PER2: variants seen among roughly 807,000 people sequenced by gnomAD.
PER2 encodes the protein period circadian regulator 2.
PER2 carries 66 observed loss-of-function variants against 121.0 expected under a neutral mutation model. That is an observed-to-expected ratio of 0.55 (90% CI 0.45 to 0.67). PER2 has a LOEUF of 0.67. Among genes scored for constraint, PER2 ranks in the 30% least tolerant of loss-of-function variants. The pLI is 0.00. For synonymous variants in PER2, 684 were observed against 659.9 expected, an observed-to-expected ratio of 1.04 and a Z score of -0.56; for missense variants, 1,521 against 1,635.0, an observed-to-expected ratio of 0.93 and a Z score of 1.20.
intron 10 of PER2, 55 bp from the exon 11 acceptor site, chr2:238,262,399 G>A (rs963205196): frequency 1.9e-6 from 3 of 1,569,912 alleles, no homozygotes; most frequent in Non-Finnish European, 2.6e-6. Context: ...AGGATTTATA[G>A]TAGAGAGAGA....
At chr2:238,281,491 TTTTC>T (rs1696628544) in intron 1 of PER2, among the ~76,000 whole-genome samples, 1 of 152,202 alleles carries the variant, frequency 6.6e-6, no homozygotes, top group South Asian at 2.1e-4. Flanking sequence ...TTCTAGTCTT[TTTTC>T]TTTATTTTAC....
chr2:238,259,942 G>C, intron 14 of PER2, 27 bp downstream of exon 14: 3 of 1,063,980 alleles, frequency 2.8e-6, no homozygotes, highest in Non-Finnish European at 4.3e-6. Context: ...GTTTCAGTAA[G>C]GAAATGTTGA....
the PER2 span, among the ~76,000 whole-genome samples, chr2:238,297,902 G>C: frequency 6.6e-6 from 1 of 152,200 alleles, no homozygotes; most frequent in Non-Finnish European, 1.5e-5. Context: ...GACATGCCGC[G>C]TGTCTGGCTT....
chr2:238,268,152 T>A lies in PER2; in HGVS notation c.871A>T (p.Met291Leu), dbSNP rs777751360. 1.9e-6 allele frequency: 3 copies of A among 1,614,008 alleles called. No individual in the cohort carries two copies. The highest frequency in any genetic ancestry group is 2.5e-6 in the Non-Finnish European group (3 of 1,180,018). The stretch of plus-strand genomic sequence containing the variant: ...CGCACCTTGACCAGGTAGGGCGTCA[T>A]GCGGAAGGGGTGGTAGCGGATTTCA... ...ENEIRYHPFR[M>L]TPYLVKVRDQ... The change falls in exon 8 of 23, where the codon ATG (methionine) becomes TTG (leucine). Residue 291 changes from methionine (M) to leucine (L), a missense_variant. Met to Leu is a conservative substitution (Grantham distance 15). Coordinates refer to ENST00000254657, the MANE Select transcript of PER2 (RefSeq NM_022817.3). The surrounding 1 kb of genome is among the most constrained non-coding windows in gnomAD (Gnocchi z 4.0).
intron 1 of PER2, among the ~76,000 whole-genome samples, chr2:238,281,763 T>C (rs1012046623): frequency 3.9e-5 from 6 of 152,212 alleles, no homozygotes; most frequent in Admixed American, 1.3e-4. Context: ...GTGGCTCTTG[T>C]GTGTGGTGGT....
intron 13 of PER2, 66 bp from the exon 14 acceptor site, chr2:238,260,119 G>A (rs1275892022): frequency 1.4e-6 from 1 of 730,476 alleles, no homozygotes; most frequent in East Asian, 2.7e-5. Context: ...GTCCGGCAAA[G>A]TGAGAACAGA....
At chr2:238,295,229 C>G in the PER2 span, among the ~76,000 whole-genome samples, 25 of 149,902 alleles carry the variant, frequency 1.7e-4, no homozygotes, top group South Asian at 1.0e-3. Context: ...TGTTGTTCTT[C>G]TTCTTCTTTC....
chr2:238,273,206 G>GT lies in PER2; in HGVS notation c.449-16dup. The GT allele has an allele frequency of 6.2e-7, 1 of 1,610,872 alleles. No homozygotes were observed. Among genetic ancestry groups the GT allele is most frequent in the African/African-American group, 1.3e-5 (1 of 74,468 alleles). ...CTCTTCATTGGCTGCAGGAGAGACA[G>GT]TGTTCACTCAGTGGGCAGAACCCAG... On this transcript the variant is annotated splice_polypyrimidine_tract_variant and intron_variant, in intron 4 of 22. Transcript: ENST00000254657.
At chr2:238,265,781 G>T (rs1425955926) in intron 8 of PER2, among the ~76,000 whole-genome samples, 191 bp from the exon 9 acceptor site, 1 of 152,170 alleles carries the variant, frequency 6.6e-6, no homozygotes, top group African/African-American at 2.4e-5. Flanking sequence ...TCGTTGGCCA[G>T]CCTTCTTAGC....
At chr2:238,286,656 CAG>C (rs1420420432) in intron 1 of PER2, among the ~76,000 whole-genome samples, 1 of 152,194 alleles carries the variant, frequency 6.6e-6, no homozygotes, top group Non-Finnish European at 1.5e-5. Context: ...CTCTGCCAAA[CAG>C]AGTAGTTTTC....
In PER2 at chr2:238,282,330, G is replaced by A. The variant is rs6759566; in HGVS notation, c.-19-4375C>T. 5.6e-3 allele frequency among the ~76,000 whole-genome samples: 857 copies of A among 152,272 alleles called. 11 individuals are homozygous for A. The highest frequency in any genetic ancestry group is 0.02 in the African/African-American group (828 of 41,554). On this transcript the variant is annotated intron_variant, in intron 1 of 22. Coordinates refer to ENST00000254657, the MANE Select transcript of PER2 (RefSeq NM_022817.3). Reference sequence around the variant, plus strand: ...CCAGCTCCTTCTCTGTGCCTCCACCGCCGCTCTGTGGGCTTTCCTCGCCAG... The same window carrying A: ...CCAGCTCCTTCTCTGTGCCTCCACCACCGCTCTGTGGGCTTTCCTCGCCAG...
intron 9 of PER2, among the ~76,000 whole-genome samples, chr2:238,263,983 GGGA>G (rs1696019150): frequency 6.6e-6 from 1 of 151,266 alleles, no homozygotes; most frequent in Admixed American, 6.6e-5. Context: ...GAAAAAGAGG[GGGA>G]GGAGGAAGAG....
upstream of PER2, chr2:238,289,357 G>T (rs1001550479): frequency 3.9e-5 from 6 of 152,208 alleles, no homozygotes; most frequent in African/African-American, 1.4e-4. Flanking sequence ...TGGCAGCACC[G>T]CCCTGCAGCA....
chr2:238,246,013 T>C lies in PER2; in HGVS notation c.*362A>G. ...AGCTCTGGAAGCCAGAGTCCCCAGC[T>C]GGTGCAGCAGACAGAGGTCTCGTCA... On this transcript the variant is annotated 3_prime_UTR_variant, in exon 23 of 23. Transcript: ENST00000254657. 1 of 225,392 alleles carries C rather than the reference T, an allele frequency of 4.4e-6. No homozygotes were observed. The highest frequency in any genetic ancestry group is 8.5e-6 in the Non-Finnish European group (1 of 117,180). 14.0% of individuals were successfully genotyped at this position (225,392 alleles called of 1,614,324 possible).
Position 238,245,058 on chromosome 2 carries a change from A to G in PER2, c.*1317T>C, listed in dbSNP as rs1184657549. On this transcript the variant is annotated 3_prime_UTR_variant, in exon 23 of 23. Coordinates refer to ENST00000254657, the MANE Select transcript of PER2 (RefSeq NM_022817.3). ...AACTCCATCTAAAAAAAAAAAAAAAAAAAAAAAAAAAAGAAAACCCTGGTC... is the reference window on the plus strand; with the variant it reads ...AACTCCATCTAAAAAAAAAAAAAAAGAAAAAAAAAAAAGAAAACCCTGGTC... The G allele has an allele frequency of 6.6e-6, 1 of 150,552 alleles. No homozygotes were observed. Among genetic ancestry groups the G allele is most frequent in the African/African-American group, 2.4e-5 (1 of 41,138 alleles). 9.3% of individuals were successfully genotyped at this position (150,552 alleles called of 1,614,324 possible).
Position 238,275,767 on chromosome 2 carries a change from G to A in PER2, c.424C>T (p.Leu142Phe). 1 of 1,614,216 alleles carries A rather than the reference G, an allele frequency of 6.2e-7. No individual in the cohort carries two copies. The highest frequency in any genetic ancestry group is 8.5e-7 in the Non-Finnish European group (1 of 1,180,044). The change falls in exon 4 of 23, where the codon CTC becomes TTC. Residue 142 changes from leucine to phenylalanine, a missense_variant. By Grantham distance (22) the Leu-to-Phe change is conservative. Transcript: ENST00000254657. ...CCTTTCACCTGCTTCACGCTCCTGA[G>A]GGCGTACTTCAAGGTGGCCAGCGTA... Reference protein sequence around the residue: ...ASTLATLKYALRSVKQVKANE... With the variant: ...ASTLATLKYAFRSVKQVKANE...
chr2:238,268,854 A>G lies in PER2; in HGVS notation c.824+69T>C. The G allele has an allele frequency of 2.6e-6, 3 of 1,162,892 alleles. No homozygotes were observed. In the South Asian group the frequency reaches 3.7e-5, roughly 14 times the overall value. The allele number at this position is 1,162,892 out of a possible 1,614,324, so 72.0% of individuals were successfully genotyped here. On this transcript the variant is annotated intron_variant, in intron 7 of 22. Transcript: ENST00000254657. This position sits in a 1 kb window ranked among gnomAD's most constrained non-coding sequence, Gnocchi z 4.0. ...GCAGGGATCACGCCCCCCAGCCTCA[A>G]GCGGAGCAGTGCTGGGGTGAAATGT...
chr2:238,263,176 C>G (rs1301017764), intron 9 of PER2, 118 bp from the exon 10 acceptor site: 4 of 714,112 alleles, frequency 5.6e-6, no homozygotes, highest in Non-Finnish European at 1.0e-5. Context: ...CCCCCTCCCC[C>G]ACCCCCGGAG....
At chr2:238,280,091 C>A (rs949774979) in intron 1 of PER2, among the ~76,000 whole-genome samples, 5 of 152,158 alleles carry the variant, frequency 3.3e-5, no homozygotes, top group Non-Finnish European at 7.4e-5. Flanking sequence ...CACTGAACAC[C>A]CCCAGGTGCC....
Sources: gnomAD v4.1 joint callset for allele counts (sites outside exome capture counted in the v4.1 genomes callset) on GRCh38, gnomAD v4.1.1 for gene constraint, Gnocchi (gnomAD v3.1) non-coding constraint, MANE v1.5 for transcripts, NCBI Gene and HGNC (gene_info 2026-07-23, HGNC 2026-07-21) for gene names.